The following CSRP1 variants were observed in gnomAD, a reference collection of about 807,000 sequenced individuals.
The protein encoded by CSRP1 is cysteine and glycine-rich protein 1.
Under a neutral mutation model 25.4 loss-of-function variants are expected in CSRP1, and 16 were observed. That is an observed-to-expected ratio of 0.63 (90% CI 0.43 to 0.96). The LOEUF (loss-of-function observed/expected upper bound fraction) is 0.96, where lower values mean the gene tolerates loss of function less well. CSRP1 is among the 40% of genes least tolerant of loss of function. CSRP1 has a pLI of 0.00. For missense variants in CSRP1, 212 were observed against 243.6 expected (o/e 0.87, Z 0.86); for synonymous variants, 97 against 95.3 (o/e 1.02, Z -0.10).
At chr1:201,494,556 C>T (rs576491641) in intron 2 of CSRP1, among the ~76,000 whole-genome samples, 85 of 152,352 alleles carry the variant, frequency 5.6e-4, no homozygotes, top group African/African-American at 2.0e-3. Context: ...ACTCCAGGCC[C>T]GGCTGAGCAG....
Position 201,485,384 on chromosome 1 carries a change from G to A in CSRP1, c.412-8C>T, listed in dbSNP as rs377683878. The A allele has an allele frequency of 7.4e-6, 12 of 1,613,738 alleles. No homozygotes were observed. Among genetic ancestry groups the A allele is most frequent in the Admixed American group, 1.7e-5 (1 of 59,994 alleles). On this transcript the variant is annotated splice_region_variant and splice_polypyrimidine_tract_variant and intron_variant, in intron 4 of 5. Coordinates refer to ENST00000340006, the MANE Select transcript of CSRP1 (RefSeq NM_004078.3). Reference sequence around the variant, plus strand: ...GCAGGCCTTATGCCAGGACTAGGCAGGGAAGGAAATAGTTAATGGCTGCCA... The same window carrying A: ...GCAGGCCTTATGCCAGGACTAGGCAAGGAAGGAAATAGTTAATGGCTGCCA...
At chr1:201,496,466 G>C (rs906085904) in intron 1 of CSRP1, 162 bp from the exon 2 acceptor site, 3 of 643,028 alleles carry the variant, frequency 4.7e-6, no homozygotes, top group South Asian at 3.6e-5. Context: ...GCTAGCTCTC[G>C]ACAGCAGCCT....
rs745821216 is a variant in CSRP1 at position 201,496,221 on chromosome 1, T to C, written c.83A>G (p.Asn28Ser). ...YFAEEVQCEGNSFHKSCFLCM... is the reference protein window; with the variant it reads ...YFAEEVQCEGSSFHKSCFLCM... ...CAGGAAGCAGGATTTATGGAAGCTGTTGCCTTCGCACTGAACCTCTTCGGC... is the reference window on the plus strand; with the variant it reads ...CAGGAAGCAGGATTTATGGAAGCTGCTGCCTTCGCACTGAACCTCTTCGGC... Residue 28 changes from asparagine (N) to serine (S), a missense_variant, in exon 2 of 6, where the codon AAC becomes AGC. Coordinates refer to ENST00000340006, the MANE Select transcript of CSRP1 (RefSeq NM_004078.3). The C allele has an allele frequency of 1.9e-6, 3 of 1,614,190 alleles. No homozygotes were observed. The highest frequency in any genetic ancestry group is 1.3e-5 in the African/African-American group (1 of 75,050).
At chr1:201,500,116 C>A (rs776939607) in intron 1 of CSRP1, among the ~76,000 whole-genome samples, 1 of 152,142 alleles carries the variant, frequency 6.6e-6, no homozygotes, top group Non-Finnish European at 1.5e-5. Flanking sequence ...GTGGCCCTTG[C>A]ATATTTAAGA....
At chr1:201,501,344 G>A (rs1235902335) in intron 1 of CSRP1, among the ~76,000 whole-genome samples, 2 of 152,240 alleles carry the variant, frequency 1.3e-5, no homozygotes, top group African/African-American at 2.4e-5. Context: ...CCCAGCGAAT[G>A]AGTCTGGGAC....
chr1:201,500,533 G>A (rs143999424), intron 1 of CSRP1, among the ~76,000 whole-genome samples: 2 of 152,266 alleles, frequency 1.3e-5, no homozygotes, highest in East Asian at 1.9e-4. Flanking sequence ...GGGCGAGGGT[G>A]GGGGGTCTCC....
intron 2 of CSRP1, chr1:201,491,759 G>A (rs1291184025): frequency 6.6e-6 from 1 of 152,154 alleles, no homozygotes; most frequent in Non-Finnish European, 1.5e-5. Context: ...ATCTCAGTTG[G>A]ACGCATCCTC....
intron 1 of CSRP1, among the ~76,000 whole-genome samples, chr1:201,502,517 G>T (rs1031184511): frequency 1.3e-5 from 2 of 152,204 alleles, no homozygotes; most frequent in African/African-American, 4.8e-5. Flanking sequence ...CGGGTAGGGG[G>T]AGAATGGCTG....
chr1:201,489,207 G>A (rs1355029787), intron 3 of CSRP1: 2 of 454,686 alleles, frequency 4.4e-6, no homozygotes, highest in South Asian at 2.9e-5. Flanking sequence ...TACTTCCCTC[G>A]GTCACCCAGT....
At chr1:201,495,240 T>G (rs1354969833) in intron 2 of CSRP1, among the ~76,000 whole-genome samples, 1 of 152,160 alleles carries the variant, frequency 6.6e-6, no homozygotes, top group Non-Finnish European at 1.5e-5. Context: ...TCTAAAAATT[T>G]TTTTTAAAAA....
At position 201,484,183 on chromosome 1, in the gene CSRP1, C is replaced by T. The variant is rs1386155028; in HGVS notation, c.*530G>A. Reference sequence around the variant, plus strand: ...CCCTGCCTGCATGCCTCTCTGCCTCCAATAGTGACTCCCTAAGCTGGGACT... The same window carrying T: ...CCCTGCCTGCATGCCTCTCTGCCTCTAATAGTGACTCCCTAAGCTGGGACT... On this transcript the variant is annotated 3_prime_UTR_variant, in exon 6 of 6. Transcript: ENST00000340006. The T allele has an allele frequency of 1.7e-6, 1 of 578,794 alleles. No homozygotes were observed. Among genetic ancestry groups the T allele is most frequent in the East Asian group, 2.8e-5 (1 of 36,012 alleles). The allele number at this position is 578,794 out of a possible 1,614,324, so 35.9% of individuals were successfully genotyped here.
Position 201,484,103 on chromosome 1 carries a change from T to C in CSRP1, c.*610A>G, listed in dbSNP as rs749729679. On this transcript the variant is annotated 3_prime_UTR_variant, in exon 6 of 6. Transcript: ENST00000340006. ...TCCTCCCAGTCCTAGTGGGAGGCTA[T>C]CCATTCCACAAAGACTCAAAGGCAA... is the stretch of plus-strand genomic sequence containing the variant. 1.5e-6 allele frequency: 1 copy of C among 671,426 alleles called. No individual in the cohort carries two copies. Among genetic ancestry groups the C allele is most frequent in the South Asian group, 1.5e-5 (1 of 65,560 alleles). 41.6% of individuals were successfully genotyped at this position (671,426 alleles called of 1,614,324 possible).
At chr1:201,502,604 C>T (rs918436903) in intron 1 of CSRP1, among the ~76,000 whole-genome samples, 11 of 152,302 alleles carry the variant, frequency 7.2e-5, no homozygotes, top group African/African-American at 2.2e-4. Flanking sequence ...GCACATGACC[C>T]GCCTCTCTGA....
intron 3 of CSRP1, chr1:201,489,287 G>T (rs755836576): frequency 3.0e-5 from 7 of 233,028 alleles, no homozygotes; most frequent in African/African-American, 1.1e-4. Context: ...CCTGCAGCTG[G>T]TCTATTATCA....
At chr1:201,491,895 C>T (rs1041559844) in intron 2 of CSRP1, 6 of 152,410 alleles carry the variant, frequency 3.9e-5, no homozygotes, top group African/African-American at 1.4e-4. Flanking sequence ...GGGTCCATCC[C>T]TCTGCCAGCT....
intron 1 of CSRP1, among the ~76,000 whole-genome samples, chr1:201,497,230 G>A (rs978981877): frequency 3.3e-5 from 5 of 151,626 alleles, no homozygotes; most frequent in African/African-American, 4.8e-5. Context: ...GTGGTGGTGC[G>A]CCCCTGTAAT....
intron 2 of CSRP1, chr1:201,491,948 T>C (rs1000388937): frequency 6.6e-6 from 1 of 152,100 alleles, no homozygotes; most frequent in Non-Finnish European, 1.5e-5. Flanking sequence ...TCAGACTAAA[T>C]AAGGACCCTC....
At chr1:201,499,522 G>A (rs1664603976) in intron 1 of CSRP1, among the ~76,000 whole-genome samples, 1 of 152,114 alleles carries the variant, frequency 6.6e-6, no homozygotes, top group Non-Finnish European at 1.5e-5. Flanking sequence ...CCTCTGATAA[G>A]GTGACTCAAT....
At chr1:201,500,885 T>C (rs1664651703) in intron 1 of CSRP1, among the ~76,000 whole-genome samples, 1 of 152,216 alleles carries the variant, frequency 6.6e-6, no homozygotes, top group Non-Finnish European at 1.5e-5. Context: ...CCTTCTTAAT[T>C]GCCTTCCCAG....
Sources: allele counts gnomAD v4.1 joint callset (sites outside exome capture counted in the v4.1 genomes callset), GRCh38; gene constraint gnomAD v4.1.1; transcripts MANE v1.5; gene names NCBI Gene and HGNC (gene_info 2026-07-23, HGNC 2026-07-21).